The following DNAAF9 variants were observed in gnomAD, a reference collection of about 807,000 sequenced individuals.
DNAAF9 encodes shulin.
In DNAAF9, 90 loss-of-function variants were observed where a neutral mutation model predicts 167.0. The observed-to-expected ratio is 0.54, with a 90% CI of 0.45 to 0.64. The LOEUF is 0.64. DNAAF9 is among the 30% of genes least tolerant of loss of function. The probability of loss-of-function intolerance (pLI) is 0.00; values close to 1 mark genes in which losing one functional copy is unlikely to be tolerated. For synonymous variants in DNAAF9, 491 were observed against 508.8 expected, an observed-to-expected ratio of 0.96 and a Z score of 0.47; for missense variants, 1,315 against 1,442.2, an observed-to-expected ratio of 0.91 and a Z score of 1.43.
At chr20:3,374,912 G>T in intron 5 of DNAAF9, 118 bp downstream of exon 5, 1 of 646,304 alleles carries the variant, frequency 1.5e-6, no homozygotes. Flanking sequence ...TGATGTCTTT[G>T]GTAAAAATAG....
chr20:3,335,686 G>A (rs1222043479), intron 10 of DNAAF9, among the ~76,000 whole-genome samples: 9 of 150,482 alleles, frequency 6.0e-5, no homozygotes, highest in African/African-American at 2.2e-4. Context: ...GAACCCAGGA[G>A]GTGGAGGTTG....
chr20:3,387,623 T>TA (rs937619453), intron 1 of DNAAF9, among the ~76,000 whole-genome samples: 1 of 151,598 alleles, frequency 6.6e-6, no homozygotes, highest in Non-Finnish European at 1.5e-5. Flanking sequence ...AGACAACAAA[T>TA]AAAAAAATAT....
chr20:3,314,826 A>C (rs1012602912), intron 20 of DNAAF9, among the ~76,000 whole-genome samples: 2 of 152,222 alleles, frequency 1.3e-5, no homozygotes, highest in African/African-American at 4.8e-5. Context: ...CAACAAAAGG[A>C]CCAGGTACAG....
intron 29 of DNAAF9, among the ~76,000 whole-genome samples, chr20:3,271,951 T>C (rs1013056495): frequency 2.2e-4 from 33 of 152,048 alleles, no homozygotes; most frequent in African/African-American, 7.0e-4. Context: ...ATTTCAAACA[T>C]ACACAACTAG....
At chr20:3,343,287 C>G (rs761735003) in intron 9 of DNAAF9, among the ~76,000 whole-genome samples, 1 of 152,046 alleles carries the variant, frequency 6.6e-6, no homozygotes, top group Non-Finnish European at 1.5e-5. Flanking sequence ...CTCAGCCTCC[C>G]GAGTAGCTGG....
intron 1 of DNAAF9, among the ~76,000 whole-genome samples, chr20:3,405,247 G>C (rs1167646894): frequency 6.6e-6 from 1 of 152,122 alleles, no homozygotes; most frequent in Non-Finnish European, 1.5e-5. Context: ...TTTAATTCTT[G>C]ATCTCCATTC....
intron 20 of DNAAF9, among the ~76,000 whole-genome samples, chr20:3,311,198 T>C (rs552206044): frequency 1.1e-4 from 16 of 152,320 alleles, no homozygotes; most frequent in African/African-American, 3.6e-4. Flanking sequence ...TGGAGTACAG[T>C]GGTGAGATCA....
chr20:3,332,458 C>CTTTT, intron 10 of DNAAF9, 97 bp from the exon 11 acceptor site: 1 of 470,424 alleles, frequency 2.1e-6, no homozygotes, highest in Non-Finnish European at 3.8e-6. Flanking sequence ...AATAAATTTT[C>CTTTT]TTTTTTTTTT....
intron 3 of DNAAF9, among the ~76,000 whole-genome samples, chr20:3,377,127 T>C (rs550146437): frequency 1.5e-4 from 23 of 152,112 alleles, no homozygotes; most frequent in Non-Finnish European, 2.6e-4. Context: ...TGGGCTAAGA[T>C]AAGCGGTTGT....
intron 24 of DNAAF9, 63 bp downstream of exon 24, chr20:3,294,465 C>A (rs2069027276): frequency 8.6e-6 from 10 of 1,156,956 alleles, no homozygotes; most frequent in Non-Finnish European, 1.3e-5. Flanking sequence ...AGGACCAACA[C>A]TGAGGTTTCC....
chr20:3,308,120 G>C (rs1004023744), intron 20 of DNAAF9, among the ~76,000 whole-genome samples: 1 of 152,032 alleles, frequency 6.6e-6, no homozygotes, highest in Non-Finnish European at 1.5e-5. Flanking sequence ...CACCCAGGGG[G>C]AACAGCATCC....
chr20:3,284,405 C>T (rs943736329), intron 27 of DNAAF9, among the ~76,000 whole-genome samples: 1 of 152,068 alleles, frequency 6.6e-6, no homozygotes, highest in African/African-American at 2.4e-5. Flanking sequence ...TGCTCTCAAA[C>T]TCCTGAGCTC....
intron 21 of DNAAF9, among the ~76,000 whole-genome samples, chr20:3,299,691 A>G (rs1406882668): frequency 6.6e-6 from 1 of 152,208 alleles, no homozygotes; most frequent in Non-Finnish European, 1.5e-5. Flanking sequence ...ATTTGATACA[A>G]AAGTTTATTT....
chr20:3,307,027 C>G (rs1022685836), intron 20 of DNAAF9: 2 of 985,280 alleles, frequency 2.0e-6, no homozygotes, highest in African/African-American at 1.7e-5. Flanking sequence ...GAAACAAGTC[C>G]AGTGCCACTT....
rs930513165 is a variant in DNAAF9, at chr20:3,249,322, T to G, written c.*3250A>C. ...AGGCCTTGCTTGTTCAGTGATAGTT[T>G]ATTGGTCCTTAGCATGACATCTCGA... On this transcript the variant is annotated 3_prime_UTR_variant, in exon 37 of 37. Coordinates refer to ENST00000252032, the MANE Select transcript of DNAAF9 (RefSeq NM_001009984.3). 2 of 152,242 alleles carry G rather than the reference T, an allele frequency of 1.3e-5. No homozygotes were observed. Among genetic ancestry groups the G allele is most frequent in the East Asian group, 3.8e-4 (2 of 5,202 alleles). The allele number at this position is 152,242 out of a possible 1,614,324, so 9.4% of individuals were successfully genotyped here.
chr20:3,370,388 G>A (rs930392052), intron 6 of DNAAF9, among the ~76,000 whole-genome samples: 1 of 151,652 alleles, frequency 6.6e-6, no homozygotes, highest in Admixed American at 6.6e-5. Context: ...AGGTGGGACT[G>A]TAGGTACATG....
chr20:3,296,269 C>T (rs1425496041), intron 23 of DNAAF9: 6 of 408,878 alleles, frequency 1.5e-5, no homozygotes, highest in South Asian at 3.7e-5. Context: ...ACACTGGGCG[C>T]CCCCCAAGAC....
intron 20 of DNAAF9, among the ~76,000 whole-genome samples, chr20:3,310,302 G>A: frequency 9.1e-6 from 1 of 110,458 alleles, no homozygotes; most frequent in Non-Finnish European, 1.9e-5. Context: ...AAAGAAAAAA[G>A]AAAAGGAAAG....
At chr20:3,389,806 C>G (rs1177839260) in intron 1 of DNAAF9, among the ~76,000 whole-genome samples, 1 of 151,830 alleles carries the variant, frequency 6.6e-6, no homozygotes, top group African/African-American at 2.4e-5. Flanking sequence ...GAGGCCAAGG[C>G]GGGAGGATTG....
Sources: allele counts gnomAD v4.1 joint callset (sites outside exome capture counted in the v4.1 genomes callset), GRCh38; gene constraint gnomAD v4.1.1; transcripts MANE v1.5; gene names NCBI Gene and HGNC (gene_info 2026-07-23, HGNC 2026-07-21).